NCALD: variants seen among roughly 807,000 people sequenced by gnomAD.
NCALD encodes neurocalcin-delta.
A neutral mutation model predicts 18.6 loss-of-function variants in NCALD; 10 were observed. The observed-to-expected ratio is 0.54, with a 90% CI of 0.33 to 0.91. The LOEUF is 0.91. Among genes scored for constraint, NCALD ranks in the 40% least tolerant of loss-of-function variants. The probability of loss-of-function intolerance (pLI) is 0.03; values close to 1 mark genes in which losing one functional copy is unlikely to be tolerated. For missense variants in NCALD, 184 were observed against 247.6 expected, an observed-to-expected ratio of 0.74 and a Z score of 1.72; for synonymous variants, 88 against 87.4, an observed-to-expected ratio of 1.01 and a Z score of -0.04.
intron 1 of NCALD, among the ~76,000 whole-genome samples, chr8:101,764,980 C>T (rs567319094): frequency 6.6e-5 from 10 of 152,240 alleles, no homozygotes; most frequent in Middle Eastern, 3.4e-3. Flanking sequence ...CTGCCTCCTG[C>T]GGCAAGATCA....
intron 2 of NCALD, among the ~76,000 whole-genome samples, chr8:101,972,172 A>G (rs992423998): frequency 6.6e-6 from 1 of 152,192 alleles, no homozygotes; most frequent in Non-Finnish European, 1.5e-5. Flanking sequence ...TAAAGGCACA[A>G]GTCAAGAACA....
chr8:101,765,535 T>C lies in NCALD; in HGVS notation c.-20+25327A>G, dbSNP rs556555162. ...CATGCATAATTAAAAATTTTCTTCTTGGTGAAAAGTAAGATGCTCCTGGAA... is the reference window on the plus strand; with the variant it reads ...CATGCATAATTAAAAATTTTCTTCTCGGTGAAAAGTAAGATGCTCCTGGAA... On this transcript the variant is annotated intron_variant, in intron 1 of 3. Transcript: ENST00000220931. 2.0e-5 allele frequency among the ~76,000 whole-genome samples: 3 copies of C among 152,326 alleles called. No homozygotes were observed. In the South Asian group the frequency reaches 6.2e-4, roughly 32 times the overall value.
chr8:101,957,470 G>T (rs1400566687), intron 2 of NCALD, among the ~76,000 whole-genome samples: 2 of 152,008 alleles, frequency 1.3e-5, no homozygotes, highest in African/African-American at 2.4e-5. Context: ...CCAAATGAAA[G>T]ATTTAAGCAA....
Position 101,789,348 on chromosome 8 carries a change from A to G in NCALD, c.-20+1514T>C, listed in dbSNP as rs145584987. Among the ~76,000 whole-genome samples the G allele has an allele frequency of 7.4e-3, 1,121 of 152,278 alleles. 8 individuals carry two copies. The highest frequency in any genetic ancestry group is 0.041 in the Middle Eastern group (12 of 294). On this transcript the variant is annotated intron_variant, in intron 1 of 3. Coordinates refer to ENST00000220931, the MANE Select transcript of NCALD (RefSeq NM_032041.3). ...ATTATGTCTCAGTAGATGTGCCTGG[A>G]ATGAAAGCACATTAGACTTTTGGAA...
Position 102,080,440 on chromosome 8 carries a change from A to G in NCALD, c.-210+43797T>C, listed in dbSNP as rs372197052. ...GGAGGCAGGCCAAGTATTTTACTGC[A>G]GATTTTAAGTGCTGGCTCCTGGGCA... On this transcript the variant is annotated intron_variant, in intron 1 of 6. Coordinates refer to the NCALD transcript ENST00000311028. 1.8e-3 allele frequency among the ~76,000 whole-genome samples: 271 copies of G among 152,336 alleles called. 3 individuals are homozygous for G. Among genetic ancestry groups the G allele is most frequent in the African/African-American group, 6.2e-3 (258 of 41,578 alleles).
chr8:101,962,776 G>C (rs1039466585), intron 2 of NCALD, among the ~76,000 whole-genome samples: 1 of 152,160 alleles, frequency 6.6e-6, no homozygotes, highest in African/African-American at 2.4e-5. Flanking sequence ...TGGAATAAAG[G>C]AGAATAGATT....
intron 2 of NCALD, among the ~76,000 whole-genome samples, chr8:101,982,413 TTATAAC>T (rs1464683017): frequency 6.6e-6 from 1 of 152,218 alleles, no homozygotes; most frequent in Non-Finnish European, 1.5e-5. Flanking sequence ...ACAAAGCACT[TTATAAC>T]TATAAACTAA....
intron 2 of NCALD, among the ~76,000 whole-genome samples, chr8:102,001,126 GA>G (rs1397699815): frequency 1.3e-5 from 2 of 152,162 alleles, no homozygotes; most frequent in South Asian, 4.1e-4. Flanking sequence ...TAAAAACCTT[GA>G]AAAAAGATTA....
At chr8:101,928,180 C>A (rs1005390715) in intron 2 of NCALD, among the ~76,000 whole-genome samples, 2 of 152,020 alleles carry the variant, frequency 1.3e-5, no homozygotes, top group Non-Finnish European at 2.9e-5. Context: ...AATGATCGCG[C>A]GATGTAGAGA....
chr8:101,709,881 C>T, intron 2 of NCALD, among the ~76,000 whole-genome samples: 1 of 152,276 alleles, frequency 6.6e-6, no homozygotes, highest in Middle Eastern at 3.4e-3. Context: ...CTGATCTGGC[C>T]TAAGATTCCT....
intron 2 of NCALD, among the ~76,000 whole-genome samples, chr8:101,990,401 G>C (rs1820994169): frequency 6.6e-6 from 1 of 152,146 alleles, no homozygotes; most frequent in Non-Finnish European, 1.5e-5. Flanking sequence ...GCTCAATTCA[G>C]GTTCTGTATT....
chr8:101,923,218 C>A (rs1231860709), intron 2 of NCALD, among the ~76,000 whole-genome samples: 1 of 152,200 alleles, frequency 6.6e-6, no homozygotes, highest in Non-Finnish European at 1.5e-5. Flanking sequence ...CTTGGACTTT[C>A]CAGCCTCCAG....
upstream of NCALD, among the ~76,000 whole-genome samples, chr8:101,792,290 G>A (rs1417517639): frequency 6.6e-6 from 1 of 152,212 alleles, no homozygotes; most frequent in Non-Finnish European, 1.5e-5. Flanking sequence ...AATTTCTTTA[G>A]TAGAATCAGA....
intron 2 of NCALD, among the ~76,000 whole-genome samples, chr8:101,951,565 G>A (rs187597661): frequency 3.9e-5 from 6 of 152,274 alleles, no homozygotes; most frequent in Admixed American, 1.3e-4. Context: ...ACGAGGCCCC[G>A]TGCCTGCCAT....
intron 1 of NCALD, among the ~76,000 whole-genome samples, chr8:102,050,789 T>C (rs1251595891): frequency 6.9e-5 from 10 of 145,750 alleles, no homozygotes; most frequent in South Asian, 2.2e-4. Context: ...TTTAATTAAC[T>C]AATTTTTAAT....
intron 1 of NCALD, among the ~76,000 whole-genome samples, chr8:102,102,895 A>G (rs1239073662): frequency 6.6e-6 from 1 of 152,176 alleles, no homozygotes; most frequent in Non-Finnish European, 1.5e-5. Context: ...TCAGCTCTGC[A>G]CATGCAGGAA....
chr8:101,994,335 C>T (rs753660011), intron 2 of NCALD, among the ~76,000 whole-genome samples: 3 of 152,164 alleles, frequency 2.0e-5, no homozygotes, highest in Non-Finnish European at 4.4e-5. Context: ...CTATCACTGC[C>T]ACCCACAGCT....
At chr8:101,865,183 G>T (rs142031794) in intron 4 of NCALD, among the ~76,000 whole-genome samples, 1 of 152,124 alleles carries the variant, frequency 6.6e-6, no homozygotes, top group Non-Finnish European at 1.5e-5. Context: ...GAAAACTCAC[G>T]TTTCTAATTT....
chr8:102,039,855 A>T (rs1822988485), intron 1 of NCALD, among the ~76,000 whole-genome samples: 1 of 151,912 alleles, frequency 6.6e-6, no homozygotes, highest in African/African-American at 2.4e-5. Context: ...CTGGCACACT[A>T]CCCACCCCCA....
Sources: gnomAD v4.1 joint callset for allele counts (sites outside exome capture counted in the v4.1 genomes callset) on GRCh38, gnomAD v4.1.1 for gene constraint, MANE v1.5 for transcripts, NCBI Gene and HGNC (gene_info 2026-07-23, HGNC 2026-07-21) for gene names.